The following FSHR variants were observed in gnomAD, a reference collection of about 807,000 sequenced individuals.
FSHR encodes the protein follicle-stimulating hormone receptor.
FSHR carries 46 observed loss-of-function variants against 52.1 expected under a neutral mutation model. The observed-to-expected ratio is 0.88, with a 90% confidence interval of 0.70 to 1.13. The LOEUF is 1.13. FSHR is among the 50% of genes most tolerant of loss of function. The probability of loss-of-function intolerance (pLI) is 0.00; values close to 1 mark genes in which losing one functional copy is unlikely to be tolerated. For missense variants in FSHR, 964 were observed against 834.6 expected, an observed-to-expected ratio of 1.16 and a Z score of -1.91; for synonymous variants, 399 against 309.6, an observed-to-expected ratio of 1.29 and a Z score of -3.03.
At chr2:49,107,466 G>T (rs986481367) in intron 1 of FSHR, among the ~76,000 whole-genome samples, 2 of 152,100 alleles carry the variant, frequency 1.3e-5, no homozygotes, top group African/African-American at 4.8e-5. Flanking sequence ...CCCCAGGAAA[G>T]CAGGCTCTAT....
chr2:48,964,679 A>G (rs1030747172), intron 9 of FSHR, among the ~76,000 whole-genome samples: 4 of 152,158 alleles, frequency 2.6e-5, no homozygotes, highest in African/African-American at 9.7e-5. Context: ...CAAGCTGCAA[A>G]AGGACCTAAT....
In FSHR at chr2:49,128,387, A is replaced by G. The variant is rs561215302; in HGVS notation, c.152+25879T>C. Among the ~76,000 whole-genome samples the G allele has an allele frequency of 2.6e-5, 4 of 152,290 alleles. No homozygotes were observed. In the South Asian group the frequency reaches 8.3e-4, roughly 32 times the overall value. ...ATACTGAGAAAAAAGCTTGAAAAAGATTTTACTAAGAAAGCTATACCATGC... is the reference window on the plus strand; with the variant it reads ...ATACTGAGAAAAAAGCTTGAAAAAGGTTTTACTAAGAAAGCTATACCATGC... On this transcript the variant is annotated intron_variant, in intron 1 of 9. Coordinates refer to ENST00000406846, the MANE Select transcript of FSHR (RefSeq NM_000145.4).
At chr2:49,046,821 T>G (rs555018505) in intron 2 of FSHR, among the ~76,000 whole-genome samples, 9 of 152,236 alleles carry the variant, frequency 5.9e-5, no homozygotes, top group African/African-American at 2.2e-4. Context: ...TGCTCACAAG[T>G]AGAACAGAAC....
At position 48,985,381 on chromosome 2, in the gene FSHR, G is replaced by T. The variant is rs1021590050; in HGVS notation, c.525-2215C>A. On this transcript the variant is annotated intron_variant, in intron 6 of 9. Transcript: ENST00000406846. Reference sequence around the variant, plus strand: ...AACAGAGGAAACACGCACGAAGCAGGTCTCTCCTGAGGCCCGAGTGTGCTG... The same window carrying T: ...AACAGAGGAAACACGCACGAAGCAGTTCTCTCCTGAGGCCCGAGTGTGCTG... 2.0e-5 allele frequency among the ~76,000 whole-genome samples: 3 copies of T among 152,032 alleles called. No homozygotes were observed. In the East Asian group the frequency reaches 5.8e-4, roughly 29 times the overall value.
chr2:49,107,200 T>C (rs944898976), intron 1 of FSHR, among the ~76,000 whole-genome samples: 3 of 152,192 alleles, frequency 2.0e-5, no homozygotes, highest in Non-Finnish European at 2.9e-5. Flanking sequence ...TTGATTGCAC[T>C]ATTTTATTCT....
At chr2:49,068,451 T>G (rs1309138376) in intron 1 of FSHR, among the ~76,000 whole-genome samples, 161 bp from the exon 2 acceptor site, 1 of 152,096 alleles carries the variant, frequency 6.6e-6, no homozygotes, top group African/African-American at 2.4e-5. Flanking sequence ...TGTCTACAAC[T>G]AGTGATACTG....
chr2:49,104,349 G>A (rs114644983), intron 1 of FSHR, among the ~76,000 whole-genome samples: 1,914 of 152,218 alleles, frequency 0.013, 39 homozygotes, highest in African/African-American at 0.043. Flanking sequence ...ATGCCACAGA[G>A]AGGCCCCCTG....
intron 1 of FSHR, among the ~76,000 whole-genome samples, chr2:49,096,574 A>T (rs1163442102): frequency 6.6e-6 from 1 of 152,212 alleles, no homozygotes; most frequent in African/African-American, 2.4e-5. Context: ...AGAATCACTT[A>T]ATTGTTCACT....
At chr2:49,036,223 G>A (rs74578339) in intron 2 of FSHR, among the ~76,000 whole-genome samples, 2,461 of 152,232 alleles carry the variant, frequency 0.016, 27 homozygotes, top group Non-Finnish European at 0.024. Context: ...GAGAGGTACG[G>A]TGGCTGATTT....
At chr2:49,039,736 C>A (rs1668413191) in intron 2 of FSHR, among the ~76,000 whole-genome samples, 1 of 152,118 alleles carries the variant, frequency 6.6e-6, no homozygotes, top group Non-Finnish European at 1.5e-5. Flanking sequence ...TCAGTTTCCT[C>A]TAAAATATTT....
intron 1 of FSHR, among the ~76,000 whole-genome samples, chr2:49,135,322 G>A (rs1213864781): frequency 1.3e-5 from 2 of 151,640 alleles, no homozygotes; most frequent in African/African-American, 2.4e-5. Context: ...AAAAATTTGG[G>A]AACTCACAAA....
At chr2:49,076,851 T>C (rs2103643388) in intron 1 of FSHR, among the ~76,000 whole-genome samples, 1 of 152,266 alleles carries the variant, frequency 6.6e-6, no homozygotes, top group Admixed American at 6.5e-5. Flanking sequence ...GACAGTCAAA[T>C]CTTTAAAACT....
chr2:48,983,224 T>G, intron 6 of FSHR, 58 bp from the exon 7 acceptor site: 1 of 1,519,142 alleles, frequency 6.6e-7, no homozygotes, highest in Non-Finnish European at 9.1e-7. Flanking sequence ...ATACACGGGT[T>G]TCATAATTGG....
chr2:49,069,908 ATTGC>A (rs1229203958), intron 1 of FSHR, among the ~76,000 whole-genome samples: 2 of 152,094 alleles, frequency 1.3e-5, no homozygotes, highest in African/African-American at 2.4e-5. Context: ...TAAATATTTT[ATTGC>A]TTTAGCCTTC....
At chr2:49,021,857 CTCTCTCTA>C (rs1295333687) in intron 2 of FSHR, among the ~76,000 whole-genome samples, 9 of 37,694 alleles carry the variant, frequency 2.4e-4, no homozygotes, top group South Asian at 1.2e-3. Flanking sequence ...CTCTCTCTCT[CTCTCTCTA>C]TATATATATA....
chr2:49,110,644 G>A (rs932451472), intron 1 of FSHR, among the ~76,000 whole-genome samples: 1 of 152,016 alleles, frequency 6.6e-6, no homozygotes, highest in South Asian at 2.1e-4. Context: ...AAAGGATTTT[G>A]CAAAAAGTAG....
chr2:49,049,725 G>A (rs1032295131), intron 2 of FSHR, among the ~76,000 whole-genome samples: 1 of 151,914 alleles, frequency 6.6e-6, no homozygotes, highest in South Asian at 2.1e-4. Context: ...AGTGACTGAG[G>A]TGTGAAGAGT....
intron 1 of FSHR, among the ~76,000 whole-genome samples, chr2:49,075,022 A>G (rs1669894993): frequency 6.6e-6 from 1 of 152,154 alleles, no homozygotes; most frequent in Non-Finnish European, 1.5e-5. Context: ...AACAGAGGAT[A>G]CTAGAGGCTG....
intron 4 of FSHR, among the ~76,000 whole-genome samples, chr2:49,005,873 A>G (rs1667057728): frequency 6.6e-6 from 1 of 152,128 alleles, no homozygotes; most frequent in Non-Finnish European, 1.5e-5. Flanking sequence ...GGGTGTTACC[A>G]AAGGAGATGA....
Sources: gnomAD v4.1 joint callset for allele counts (sites outside exome capture counted in the v4.1 genomes callset) on GRCh38, gnomAD v4.1.1 for gene constraint, MANE v1.5 for transcripts, NCBI Gene and HGNC (gene_info 2026-07-23, HGNC 2026-07-21) for gene names.